LAIR2: variants seen among roughly 807,000 people sequenced by gnomAD.
The protein encoded by LAIR2 is leukocyte associated immunoglobulin like receptor 2.
In LAIR2, 14 loss-of-function variants were observed where a neutral mutation model predicts 14.8. That is an observed-to-expected ratio of 0.95 (90% CI 0.62 to 1.48). The LOEUF (loss-of-function observed/expected upper bound fraction) is 1.48. LAIR2 is among the 40% of genes most tolerant of loss of function. The pLI is 0.00. For missense variants in LAIR2, 172 were observed against 180.9 expected, an observed-to-expected ratio of 0.95 and a Z score of 0.28; for synonymous variants, 75 against 74.5, an observed-to-expected ratio of 1.01 and a Z score of -0.03.
At chr19:54,506,502 A>G (rs2085366434) in intron 2 of LAIR2, among the ~76,000 whole-genome samples, 1 of 152,166 alleles carries the variant, frequency 6.6e-6, no homozygotes. Flanking sequence ...CTCTCAGCTC[A>G]GAGAGAGCTT....
chr19:54,508,243 G>A (rs2085405606), intron 3 of LAIR2, 59 bp downstream of exon 3: 2 of 1,520,476 alleles, frequency 1.3e-6, no homozygotes, highest in Non-Finnish European at 1.8e-6. Context: ...CTTGTCCCGA[G>A]GTCCCTGGTC....
At position 54,508,171 on chromosome 19, in the gene LAIR2, G is replaced by A; in HGVS notation, c.351G>A (p.Glu117=). The change falls in exon 3 of 5, where the codon GAG becomes GAA. Residue 117 remains glutamate (E), a synonymous_variant. Transcript: ENST00000301202. The part of the protein sequence containing the change: ...PGWSEHSDFL[E]LLVKESSGGP... The stretch of plus-strand genomic sequence containing the variant: ...GGTCTGAGCACAGTGACTTCCTGGA[G>A]CTGCTGGTGAAAGGTGAGGACGTCA... 1 of 1,612,338 alleles carries A rather than the reference G, an allele frequency of 6.2e-7. No homozygotes were observed. Among genetic ancestry groups the A allele is most frequent in the African/African-American group, 1.3e-5 (1 of 75,014 alleles).
chr19:54,509,128 C>T, intron 4 of LAIR2, 43 bp downstream of exon 4: 1 of 563,210 alleles, frequency 1.8e-6, no homozygotes, highest in Non-Finnish European at 3.1e-6. Context: ...ACAGGGGAAT[C>T]TGTGCTGCGG....
At chr19:54,508,225 C>T (rs1437428178) in intron 3 of LAIR2, 41 bp downstream of exon 3, 93 of 1,571,216 alleles carry the variant, frequency 5.9e-5, no homozygotes, top group Non-Finnish European at 7.9e-5. Context: ...CTCAGCTCGA[C>T]CCTCGAGCTT....
intron 2 of LAIR2, among the ~76,000 whole-genome samples, chr19:54,505,821 ATT>A (rs11311344): frequency 3.3e-4 from 44 of 134,922 alleles, no homozygotes; most frequent in Middle Eastern, 3.9e-3. Flanking sequence ...TCACATGCTG[ATT>A]TTTTTTTTTT....
At chr19:54,503,791 G>T (rs1233487843) in intron 2 of LAIR2, 56 bp downstream of exon 2, 13 of 1,611,242 alleles carry the variant, frequency 8.1e-6, no homozygotes, top group Non-Finnish European at 1.1e-5. Context: ...CAAAGGCAGT[G>T]CTGGGTGGGA....
At chr19:54,505,173 C>G (rs1456066308) in intron 2 of LAIR2, among the ~76,000 whole-genome samples, 1 of 152,064 alleles carries the variant, frequency 6.6e-6, no homozygotes, top group Non-Finnish European at 1.5e-5. Flanking sequence ...GCAGGCATCA[C>G]CTCCACACAC....
At chr19:54,506,797 G>C (rs1394987034) in intron 2 of LAIR2, among the ~76,000 whole-genome samples, 2 of 152,206 alleles carry the variant, frequency 1.3e-5, no homozygotes, top group Admixed American at 6.6e-5. Flanking sequence ...TGGGTTTGGG[G>C]AGATGCTGGT....
At chr19:54,503,415 G>A (rs1348257129) in intron 1 of LAIR2, among the ~76,000 whole-genome samples, 12 of 151,440 alleles carry the variant, frequency 7.9e-5, no homozygotes, top group South Asian at 4.2e-4. Context: ...CTAAGATCGC[G>A]CCACTGCACT....
chr19:54,508,146 G>A lies in LAIR2; in HGVS notation c.326G>A (p.Trp109Ter). 6.2e-7 allele frequency: 1 copy of A among 1,613,810 alleles called. No individual in the cohort carries two copies. The highest frequency in any genetic ancestry group is 8.5e-7 in the Non-Finnish European group (1 of 1,179,984). Residue 109 changes from tryptophan to a stop codon, truncating the protein, a stop_gained, in exon 3 of 5, where the codon TGG becomes TAG. Transcript: ENST00000301202. LOFTEE classifies it high-confidence loss of function. ...YRCLYYKPPGWSEHSDFLELL... is the reference protein window; with the variant it reads ...YRCLYYKPPG ...TGCCTCTATTATAAGCCCCCTGGAT[G>A]GTCTGAGCACAGTGACTTCCTGGAG... is the stretch of plus-strand genomic sequence containing the variant.
At chr19:54,503,271 G>C (rs2085307237) in intron 1 of LAIR2, among the ~76,000 whole-genome samples, 1 of 151,992 alleles carries the variant, frequency 6.6e-6, no homozygotes, top group Non-Finnish European at 1.5e-5. Context: ...GACCAGCCTG[G>C]CCAACGTGGT....
intron 1 of LAIR2, among the ~76,000 whole-genome samples, chr19:54,503,450 C>G (rs1293456207): frequency 9.8e-5 from 10 of 102,222 alleles, no homozygotes; most frequent in Non-Finnish European, 1.6e-4. Context: ...AAGAACAAAA[C>G]TCCGTCTCCA....
In LAIR2 at chr19:54,504,097, C is replaced by T. The variant is rs1283066203; in HGVS notation, c.70+362C>T. On this transcript the variant is annotated intron_variant, in intron 2 of 4. Transcript: ENST00000301202. ...TCGGCCTCCTGAGTAGCTGGGATTA[C>T]AGGCACCCACCACCACCCCTGGCTA... 4.0e-5 allele frequency among the ~76,000 whole-genome samples: 6 copies of T among 150,798 alleles called. No individual in the cohort carries two copies. In the East Asian group the frequency reaches 1.2e-3, roughly 29 times the overall value.
At chr19:54,505,565 C>G (rs1350799941) in intron 2 of LAIR2, among the ~76,000 whole-genome samples, 2 of 152,146 alleles carry the variant, frequency 1.3e-5, no homozygotes, top group African/African-American at 2.4e-5. Context: ...GTACTTTCCA[C>G]AGTTTTTAAA....
intron 2 of LAIR2, among the ~76,000 whole-genome samples, chr19:54,506,555 C>T (rs1370230949): frequency 2.6e-5 from 4 of 152,142 alleles, no homozygotes; most frequent in Admixed American, 2.6e-4. Flanking sequence ...GCCCACCTGT[C>T]CCCTAGATCC....
Position 54,503,695 on chromosome 19 carries a change from T to G in LAIR2, c.35-5T>G. 1 of 1,613,906 alleles carries G rather than the reference T, an allele frequency of 6.2e-7. No individual in the cohort carries two copies. On this transcript the variant is annotated splice_polypyrimidine_tract_variant and splice_region_variant and intron_variant, in intron 1 of 4. Transcript: ENST00000301202. Reference sequence around the variant, plus strand: ...GCATTTTTCTCACTGGGGCTTCTCTTCCAGTGCTCTGCCTGGCCCAGACCA... The same window carrying G: ...GCATTTTTCTCACTGGGGCTTCTCTGCCAGTGCTCTGCCTGGCCCAGACCA...
rs1467184534 is a variant in LAIR2, at chr19:54,504,416, T to C, written c.70+681T>C. 5.9e-5 allele frequency among the ~76,000 whole-genome samples: 9 copies of C among 152,306 alleles called. No homozygotes were observed. In the East Asian group the frequency reaches 1.5e-3, roughly 26 times the overall value. ...TATTGTGATGAGAACATTTAAAACC[T>C]ACTTTTAGCAATTTTGAAATATATA... On this transcript the variant is annotated intron_variant, in intron 2 of 4. Transcript: ENST00000301202.
At position 54,502,967 on chromosome 19, in the gene LAIR2, G is replaced by A. The variant is rs372695536; in HGVS notation, c.34+15G>A. 24 of 1,608,318 alleles carry A rather than the reference G, an allele frequency of 1.5e-5. No homozygotes were observed. In the African/African-American group the frequency reaches 2.8e-4, roughly 19 times the overall value. ...CCTGGGCCTAGGTGAGTCCTGGAGG[G>A]AGCGGGAAGGACTGGAAAGGGGGTC... On this transcript the variant is annotated intron_variant, in intron 1 of 4. Coordinates refer to ENST00000301202, the MANE Select transcript of LAIR2 (RefSeq NM_002288.6).
rs1393453012 is a variant in LAIR2, at chr19:54,508,100, G to A, written c.280G>A (p.Gly94Arg). The A allele has an allele frequency of 1.9e-6, 3 of 1,614,194 alleles. No homozygotes were observed. Among genetic ancestry groups the A allele is most frequent in the Non-Finnish European group, 2.5e-6 (3 of 1,180,008 alleles). The change falls in exon 3 of 5, where the codon GGA (glycine) becomes AGA (arginine). Residue 94 changes from glycine (G) to arginine (R), a missense_variant. Gly to Arg is a moderately radical substitution (Grantham distance 125). This residue lies in a region of LAIR2 where 161 missense variants were observed against 149.0 expected (regional missense o/e 1.08). Transcript: ENST00000301202. ...ATTCCACATTGACTCAGTAAGTGAA[G>A]GAAATGCCGGGCTTTATCGCTGCCT... ...ARFHIDSVSE[G>R]NAGLYRCLYY...
Sources: gnomAD v4.1 joint callset for allele counts (sites outside exome capture counted in the v4.1 genomes callset) on GRCh38, gnomAD v4.1.1 for gene constraint, gnomAD v4.1.1 regional missense constraint, MANE v1.5 for transcripts, NCBI Gene and HGNC (gene_info 2026-07-23, HGNC 2026-07-21) for gene names.